Variants in LINGO2 observed in about 807,000 individuals in gnomAD.
LINGO2 encodes the protein leucine-rich repeat and immunoglobulin-like domain-containing nogo receptor-interacting protein 2.
In LINGO2, 14 loss-of-function variants were observed where a neutral mutation model predicts 30.6. The observed-to-expected ratio is 0.46, with a 90% CI of 0.30 to 0.72. The LOEUF (loss-of-function observed/expected upper bound fraction) is 0.72, where lower values mean the gene tolerates loss of function less well. Among genes scored for constraint, LINGO2 ranks in the 30% least tolerant of loss-of-function variants. The pLI is 0.07. For missense variants in LINGO2, 729 were observed against 751.7 expected (o/e 0.97, Z 0.35); for synonymous variants, 317 against 288.5 (o/e 1.10, Z -1.00).
chr9:28,268,072 A>T (rs1276207903), intron 4 of LINGO2, among the ~76,000 whole-genome samples: 1 of 152,094 alleles, frequency 6.6e-6, no homozygotes, highest in Admixed American at 6.6e-5. Context: ...TTGTGCATAC[A>T]TACATCCACA....
intron 5 of LINGO2, among the ~76,000 whole-genome samples, chr9:27,962,676 C>G (rs1819906889): frequency 6.6e-6 from 1 of 152,136 alleles, no homozygotes; most frequent in Admixed American, 6.6e-5. Context: ...AAATATTTCT[C>G]AGTTTTAGCC....
chr9:28,169,560 T>C (rs1051972762), intron 4 of LINGO2, among the ~76,000 whole-genome samples: 5 of 152,216 alleles, frequency 3.3e-5, no homozygotes, highest in Non-Finnish European at 5.9e-5. Context: ...CAAGTGCCTA[T>C]TATGTGCCCA....
At chr9:28,217,296 A>G (rs933780821) in intron 4 of LINGO2, among the ~76,000 whole-genome samples, 4 of 151,812 alleles carry the variant, frequency 2.6e-5, no homozygotes, top group African/African-American at 9.7e-5. Flanking sequence ...TTTATCCTTT[A>G]AGTTAAACAC....
At chr9:28,584,407 T>C (rs1397191372) in intron 1 of LINGO2, among the ~76,000 whole-genome samples, 6 of 152,080 alleles carry the variant, frequency 3.9e-5, no homozygotes, top group Non-Finnish European at 5.9e-5. Flanking sequence ...AAATTCCTAT[T>C]AACACTTTGT....
intron 1 of LINGO2, among the ~76,000 whole-genome samples, chr9:28,562,477 A>T (rs1348830901): frequency 7.1e-6 from 1 of 141,574 alleles, no homozygotes; most frequent in African/African-American, 2.6e-5. Flanking sequence ...AAAAAAAAAC[A>T]GAAAAAACAA....
At chr9:28,493,985 T>C (rs553962046) in intron 1 of LINGO2, among the ~76,000 whole-genome samples, 10 of 152,262 alleles carry the variant, frequency 6.6e-5, no homozygotes, top group African/African-American at 2.4e-4. Flanking sequence ...CATCTTGTGA[T>C]GGTGTGAGTC....
At chr9:27,977,586 G>A (rs1820660496) in intron 5 of LINGO2, among the ~76,000 whole-genome samples, 2 of 151,924 alleles carry the variant, frequency 1.3e-5, no homozygotes, top group Admixed American at 6.6e-5. Flanking sequence ...CAGAAGACAA[G>A]TTTTATTAGA....
chr9:28,045,559 G>C lies in LINGO2; in HGVS notation c.-86-33154C>G, dbSNP rs376412179. Among the ~76,000 whole-genome samples the C allele has an allele frequency of 1.2e-4, 19 of 152,306 alleles. No homozygotes were observed. The East Asian group carries it at 3.3e-3, about 26-fold the overall frequency. On this transcript the variant is annotated intron_variant, in intron 4 of 5. Coordinates refer to ENST00000379992, the Ensembl canonical transcript of LINGO2. ...AATGAAGTATGAGAGAAAAGATTGA[G>C]AATTATTGTTCTAAAATGTAAATAG...
At chr9:29,142,914 C>T in the LINGO2 span, among the ~76,000 whole-genome samples, 1 of 151,870 alleles carries the variant, frequency 6.6e-6, no homozygotes, top group Admixed American at 6.6e-5. Flanking sequence ...ATTACATACA[C>T]ACACAAAACT....
chr9:28,148,908 G>T lies in LINGO2; in HGVS notation c.-86-136503C>A, dbSNP rs1827897453. 3.9e-6 allele frequency: 6 copies of T among 1,533,732 alleles called. No homozygotes were observed. The South Asian group carries it at 7.1e-5, about 18-fold the overall frequency. On this transcript the variant is annotated intron_variant, in intron 4 of 5. Transcript: ENST00000379992. This position sits in a 1 kb window ranked among gnomAD's most constrained non-coding sequence, Gnocchi z 5.1. ...CAGCCCAAGGATCCTGCAGCTCTTGGGTCAAGTAGGTCTTCTCCACACAGA... is the reference window on the plus strand; with the variant it reads ...CAGCCCAAGGATCCTGCAGCTCTTGTGTCAAGTAGGTCTTCTCCACACAGA...
intron 4 of LINGO2, among the ~76,000 whole-genome samples, chr9:28,047,733 A>T (rs1463678247): frequency 6.6e-6 from 1 of 150,926 alleles, no homozygotes; most frequent in Non-Finnish European, 1.5e-5. Context: ...TGCTTAGTAA[A>T]TGTTAGCTGT....
At chr9:28,317,217 G>A (rs1288178338) in intron 3 of LINGO2, among the ~76,000 whole-genome samples, 1 of 151,910 alleles carries the variant, frequency 6.6e-6, no homozygotes, top group Non-Finnish European at 1.5e-5. Context: ...GATGCATTTT[G>A]TCAGTATGAG....
At chr9:27,956,222 G>C (rs563743885) in intron 5 of LINGO2, among the ~76,000 whole-genome samples, 1 of 152,284 alleles carries the variant, frequency 6.6e-6, no homozygotes, top group African/African-American at 2.4e-5. Context: ...GATTACAGGC[G>C]TGAGTCACTG....
At chr9:28,153,728 C>T (rs774715972) in intron 4 of LINGO2, among the ~76,000 whole-genome samples, 18 of 152,030 alleles carry the variant, frequency 1.2e-4, no homozygotes, top group Non-Finnish European at 2.4e-4. Context: ...AAGAAGAGAG[C>T]ACTCCTCTAT....
the LINGO2 span, among the ~76,000 whole-genome samples, chr9:29,127,230 CTG>C: frequency 6.6e-6 from 1 of 152,094 alleles, no homozygotes. Flanking sequence ...ACTCTGAAAT[CTG>C]TGTTTTCATT....
chr9:29,036,245 G>C, the LINGO2 span, among the ~76,000 whole-genome samples: 43 of 152,098 alleles, frequency 2.8e-4, no homozygotes, highest in Non-Finnish European at 5.4e-4. Context: ...TTAAATATTA[G>C]CCTTAAAAAG....
At chr9:28,909,392 A>G in the LINGO2 span, among the ~76,000 whole-genome samples, 60 of 152,108 alleles carry the variant, frequency 3.9e-4, no homozygotes, top group East Asian at 1.9e-3. Flanking sequence ...AAGTAATTCT[A>G]TAATGTAGAT....
intron 5 of LINGO2, among the ~76,000 whole-genome samples, chr9:27,956,787 T>C (rs1488934062): frequency 6.6e-6 from 1 of 152,180 alleles, no homozygotes; most frequent in Non-Finnish European, 1.5e-5. Flanking sequence ...TGTAGTGTTA[T>C]TTCTTAAAAA....
At chr9:28,818,924 T>C in the LINGO2 span, among the ~76,000 whole-genome samples, 86 of 152,316 alleles carry the variant, frequency 5.6e-4, no homozygotes, top group Middle Eastern at 0.024. Context: ...TTTGTTTTCT[T>C]CAAAACCAAT....
Sources: allele counts gnomAD v4.1 joint callset (sites outside exome capture counted in the v4.1 genomes callset), GRCh38; gene constraint gnomAD v4.1.1; non-coding constraint Gnocchi (gnomAD v3.1); transcripts MANE v1.5; gene names NCBI Gene and HGNC (gene_info 2026-07-23, HGNC 2026-07-21).